PTPN13: variants seen among roughly 807,000 people sequenced by gnomAD.
PTPN13 encodes tyrosine-protein phosphatase non-receptor type 13.
Under a neutral mutation model 284.0 loss-of-function variants are expected in PTPN13, and 191 were observed. The ratio of observed to expected loss-of-function variants is 0.67; its 90% CI spans 0.60 to 0.76. PTPN13 has a LOEUF of 0.76. Ranked by LOEUF, PTPN13 falls within the 30% of genes least tolerant of loss-of-function variation. PTPN13 has a pLI of 0.00. For missense variants in PTPN13, 2,797 were observed against 2,939.9 expected (o/e 0.95, Z 1.12); for synonymous variants, 986 against 1,022.3 (o/e 0.96, Z 0.68).
chr4:86,704,683 A>T (rs536381741), intron 7 of PTPN13, among the ~76,000 whole-genome samples: 80 of 151,918 alleles, frequency 5.3e-4, no homozygotes, highest in Admixed American at 1.2e-3. Context: ...AAAGCTTTTT[A>T]AAAAAAAATC....
chr4:86,733,306 CAATT>C (rs1335605546), intron 12 of PTPN13, among the ~76,000 whole-genome samples: 7 of 152,046 alleles, frequency 4.6e-5, no homozygotes, highest in Non-Finnish European at 1.0e-4. Flanking sequence ...TCCTATTTAT[CAATT>C]AGAGTTGCCA....
At chr4:86,670,289 A>G (rs1311339747) in intron 2 of PTPN13, among the ~76,000 whole-genome samples, 1 of 147,408 alleles carries the variant, frequency 6.8e-6, no homozygotes, top group Non-Finnish European at 1.5e-5. Flanking sequence ...TTTCAGATCA[A>G]ATTGCCTAAT....
rs922060672 is a variant in PTPN13 at position 86,725,901 on chromosome 4, T to C, written c.1608+3467T>C. 2.0e-5 allele frequency among the ~76,000 whole-genome samples: 3 copies of C among 149,766 alleles called. 1 individual carries two copies. The highest frequency in any genetic ancestry group is 4.9e-5 in the African/African-American group (2 of 41,040). ...GTCATGAAGTCCTTACCCATCCCCATGTCCTGAATGGTATTGCCTAGGTTT... is the reference window on the plus strand; with the variant it reads ...GTCATGAAGTCCTTACCCATCCCCACGTCCTGAATGGTATTGCCTAGGTTT... On this transcript the variant is annotated intron_variant, in intron 10 of 47. Transcript: ENST00000411767.
chr4:86,715,242 G>A (rs1209505296), intron 7 of PTPN13, among the ~76,000 whole-genome samples: 1 of 151,978 alleles, frequency 6.6e-6, no homozygotes, highest in African/African-American at 2.4e-5. Flanking sequence ...ATACGTGTGT[G>A]TGTATATATG....
chr4:86,639,790 T>A (rs951623841), intron 2 of PTPN13, among the ~76,000 whole-genome samples: 1 of 151,844 alleles, frequency 6.6e-6, no homozygotes, highest in Non-Finnish European at 1.5e-5. Flanking sequence ...GTAACTAACC[T>A]GCACAATGTG....
At chr4:86,633,450 C>G (rs919249146) in intron 1 of PTPN13, among the ~76,000 whole-genome samples, 54 of 152,280 alleles carry the variant, frequency 3.5e-4, no homozygotes, top group Non-Finnish European at 7.5e-4. Context: ...CAAGGACTCC[C>G]AGGGGTCCCA....
At chr4:86,666,134 C>T (rs1727046195) in intron 2 of PTPN13, among the ~76,000 whole-genome samples, 1 of 152,102 alleles carries the variant, frequency 6.6e-6, no homozygotes, top group Non-Finnish European at 1.5e-5. Flanking sequence ...AAATATCAAA[C>T]TTGGGATTTG....
intron 40 of PTPN13, among the ~76,000 whole-genome samples, chr4:86,791,329 T>C (rs1374691829): frequency 6.6e-6 from 1 of 151,946 alleles, no homozygotes; most frequent in East Asian, 1.9e-4. Flanking sequence ...TAGCTCACAG[T>C]GTAAACAAAG....
At chr4:86,680,377 CTAT>C (rs2148923831) in intron 3 of PTPN13, among the ~76,000 whole-genome samples, 1 of 151,702 alleles carries the variant, frequency 6.6e-6, no homozygotes, top group Non-Finnish European at 1.5e-5. Flanking sequence ...ATCTATCTAT[CTAT>C]CTATCTATCT....
chr4:86,799,801 T>G (rs988446297), intron 42 of PTPN13, among the ~76,000 whole-genome samples: 3 of 151,194 alleles, frequency 2.0e-5, no homozygotes, highest in African/African-American at 7.3e-5. Flanking sequence ...ATTTTGCCAT[T>G]CTGGAAGGAG....
chr4:86,712,678 T>C (rs1455673880), intron 7 of PTPN13, among the ~76,000 whole-genome samples: 1 of 152,108 alleles, frequency 6.6e-6, no homozygotes, highest in Non-Finnish European at 1.5e-5. Flanking sequence ...GCTCTATTAC[T>C]ATAAAGCAGT....
intron 17 of PTPN13, among the ~76,000 whole-genome samples, chr4:86,749,953 C>T (rs193242610): frequency 1.3e-5 from 2 of 152,314 alleles, no homozygotes; most frequent in Admixed American, 1.3e-4. Context: ...TTAAAGTATG[C>T]AATTCACCAT....
rs200453560 is a variant in PTPN13, at chr4:86,766,463, T to A, written c.4275T>A (p.Ser1425Arg). The A allele has an allele frequency of 5.1e-5, 82 of 1,610,274 alleles. No individual in the cohort carries two copies. In the Admixed American group the frequency reaches 1.4e-3, roughly 27 times the overall value. Residue 1425 changes from serine (S) to arginine (R), a missense_variant, in exon 27 of 48, where the codon AGT (serine) becomes AGA (arginine). Physicochemically the swap from Ser to Arg is moderately radical, Grantham distance 110. Transcript: ENST00000411767. ...GCGTCCTAGCTGTCAATGGAGTTAGTCTAGAAGGAGCCACCCATAAGCAAG... is the reference window on the plus strand; with the variant it reads ...GCGTCCTAGCTGTCAATGGAGTTAGACTAGAAGGAGCCACCCATAAGCAAG... The part of the protein sequence containing the change: ...GDRVLAVNGV[S>R]LEGATHKQAV...
At position 86,811,026 on chromosome 4, in the gene PTPN13, T is replaced by C. The variant is rs1211187001; in HGVS notation, c.7300-20T>C. The C allele has an allele frequency of 1.2e-6, 2 of 1,606,488 alleles. No individual in the cohort carries two copies. The highest frequency in any genetic ancestry group is 1.7e-6 in the Non-Finnish European group (2 of 1,173,622). ...CCAGTTATCCTTTGAATCTAACACA[T>C]ATGTGGTTTCCTCTGACAGTTTGAC... On this transcript the variant is annotated intron_variant, in intron 46 of 47. Coordinates refer to ENST00000411767, the MANE Select transcript of PTPN13 (RefSeq NM_080683.3).
At chr4:86,745,477 A>G (rs1012803601) in intron 17 of PTPN13, among the ~76,000 whole-genome samples, 2 of 152,142 alleles carry the variant, frequency 1.3e-5, no homozygotes, top group African/African-American at 4.8e-5. Flanking sequence ...GCAATACACA[A>G]TAGAAGTTCA....
chr4:86,799,177 A>T lies in PTPN13; in HGVS notation c.6478A>T (p.Arg2160Ter). The change falls in exon 42 of 48, where the codon AGA (arginine) becomes TGA (stop). Residue 2160 changes from arginine (R) to a stop codon, truncating the protein, a stop_gained. Coordinates refer to ENST00000411767, the MANE Select transcript of PTPN13 (RefSeq NM_080683.3). LOFTEE classifies it high-confidence loss of function. The stretch of plus-strand genomic sequence containing the variant: ...GGGAAATGATGAGTTGCCAATAGAG[A>T]GAACAAACCATGAAGATTCTGATAA... ...TWGNDELPIE[R>*]TNHEDSDKDH... 6.3e-7 allele frequency: 1 copy of T among 1,577,472 alleles called. No individual in the cohort carries two copies. Among genetic ancestry groups the T allele is most frequent in the Non-Finnish European group, 8.6e-7 (1 of 1,163,176 alleles).
chr4:86,799,961 C>T (rs1375304554), intron 42 of PTPN13, among the ~76,000 whole-genome samples: 1 of 150,670 alleles, frequency 6.6e-6, no homozygotes, highest in Non-Finnish European at 1.5e-5. Flanking sequence ...CCTCAGCCTC[C>T]CAAGTAGCTG....
rs181020496 is a variant in PTPN13, at chr4:86,792,226, C to T, written c.6346-4648C>T. On this transcript the variant is annotated intron_variant, in intron 40 of 47. Transcript: ENST00000411767. ...TCATGACACATGCACAAGCTTCAAT[C>T]GCCGATTCGATCAAGTAGAAGAAAG... is the stretch of plus-strand genomic sequence containing the variant. Among the ~76,000 whole-genome samples the T allele has an allele frequency of 2.5e-4, 38 of 152,034 alleles. 1 individual carries two copies. In the East Asian group the frequency reaches 7.2e-3, roughly 29 times the overall value.
chr4:86,789,182 T>TGCCAA (rs1479718760), intron 40 of PTPN13, among the ~76,000 whole-genome samples: 1 of 152,238 alleles, frequency 6.6e-6, no homozygotes, highest in Non-Finnish European at 1.5e-5. Context: ...TTACATGCCA[T>TGCCAA]GCCAAGGAAT....
Sources: allele counts gnomAD v4.1 joint callset (sites outside exome capture counted in the v4.1 genomes callset), GRCh38; gene constraint gnomAD v4.1.1; transcripts MANE v1.5; gene names NCBI Gene and HGNC (gene_info 2026-07-23, HGNC 2026-07-21).